The following THSD4 variants were observed in gnomAD, a reference collection of about 807,000 sequenced individuals.
The protein encoded by THSD4 is thrombospondin type 1 domain containing 4, also known as thrombospondin type-1 domain-containing protein 4.
A neutral mutation model predicts 119.0 loss-of-function variants in THSD4; 69 were observed. The ratio of observed to expected loss-of-function variants is 0.58; its 90% CI spans 0.48 to 0.71. The LOEUF (loss-of-function observed/expected upper bound fraction) is 0.71. THSD4 is among the 30% of genes least tolerant of loss of function. The probability of loss-of-function intolerance (pLI) is 0.00; values close to 1 mark genes in which losing one functional copy is unlikely to be tolerated. For missense variants in THSD4, 1,393 were observed against 1,391.1 expected (o/e 1.00, Z -0.02); for synonymous variants, 524 against 540.4 (o/e 0.97, Z 0.42).
chr15:71,327,154 G>A (rs745834253), intron 6 of THSD4, among the ~76,000 whole-genome samples: 10 of 152,016 alleles, frequency 6.6e-5, no homozygotes, highest in Non-Finnish European at 1.0e-4. Flanking sequence ...GTGGCTGAGC[G>A]AGACTCCATC....
At chr15:71,320,211 A>T (rs1157222359) in intron 6 of THSD4, among the ~76,000 whole-genome samples, 1 of 152,304 alleles carries the variant, frequency 6.6e-6, no homozygotes, top group South Asian at 2.1e-4. Flanking sequence ...GTCACTCATG[A>T]TAACCATTTC....
intron 7 of THSD4, among the ~76,000 whole-genome samples, chr15:71,415,819 C>G (rs537254420): frequency 5.3e-5 from 8 of 151,954 alleles, no homozygotes; most frequent in African/African-American, 1.9e-4. Flanking sequence ...TTTTTTAAGA[C>G]GGAGTCTTAC....
chr15:71,127,374 A>G (rs1438246155), intron 1 of THSD4, among the ~76,000 whole-genome samples: 1 of 152,232 alleles, frequency 6.6e-6, no homozygotes, highest in African/African-American at 2.4e-5. Flanking sequence ...TGCATTGAAC[A>G]TGGGAGTGCA....
At chr15:71,442,568 C>CTAAAAAAAA (rs2047113121) in intron 7 of THSD4, among the ~76,000 whole-genome samples, 1 of 33,458 alleles carries the variant, frequency 3.0e-5, no homozygotes, top group South Asian at 1.3e-3. Flanking sequence ...AACTCCATCT[C>CTAAAAAAAA]AAAAAAAAAA....
chr15:71,526,978 A>G (rs2048530395), intron 7 of THSD4, among the ~76,000 whole-genome samples: 1 of 152,152 alleles, frequency 6.6e-6, no homozygotes, highest in Non-Finnish European at 1.5e-5. Context: ...ATCTTCCCCA[A>G]AATTCATGTT....
intron 1 of THSD4, among the ~76,000 whole-genome samples, chr15:71,132,655 G>C (rs2040514208): frequency 6.6e-6 from 1 of 152,098 alleles, no homozygotes; most frequent in Non-Finnish European, 1.5e-5. Context: ...AAATTTTATA[G>C]ACAGATTTAT....
At chr15:71,411,394 G>A (rs2046685053) in intron 6 of THSD4, among the ~76,000 whole-genome samples, 1 of 152,162 alleles carries the variant, frequency 6.6e-6, no homozygotes, top group Admixed American at 6.5e-5. Flanking sequence ...AAGTAGATTG[G>A]TGGTTGCCAA....
intron 6 of THSD4, among the ~76,000 whole-genome samples, chr15:71,357,051 A>G (rs1272167172): frequency 6.6e-6 from 1 of 152,166 alleles, no homozygotes; most frequent in Non-Finnish European, 1.5e-5. Context: ...TCCCAGCATT[A>G]GTAGGTACAC....
At chr15:71,323,506 C>A (rs879580837) in intron 6 of THSD4, among the ~76,000 whole-genome samples, 14 of 152,186 alleles carry the variant, frequency 9.2e-5, no homozygotes, top group Non-Finnish European at 1.3e-4. Context: ...CTCTCAGGTT[C>A]CCTGAAAACT....
At chr15:71,522,685 C>T (rs58880922) in intron 7 of THSD4, among the ~76,000 whole-genome samples, 1 of 152,100 alleles carries the variant, frequency 6.6e-6, no homozygotes, top group African/African-American at 2.4e-5. Context: ...GCAAGGAGAG[C>T]AAGCCAACCC....
At chr15:71,772,623 C>G (rs1237745253) in intron 17 of THSD4, among the ~76,000 whole-genome samples, 1 of 152,068 alleles carries the variant, frequency 6.6e-6, no homozygotes, top group East Asian at 1.9e-4. Flanking sequence ...TAGGTTGGTG[C>G]AAAAGTAATT....
intron 8 of THSD4, among the ~76,000 whole-genome samples, chr15:71,670,799 T>C (rs986676786): frequency 1.3e-5 from 2 of 151,862 alleles, no homozygotes; most frequent in African/African-American, 4.8e-5. Flanking sequence ...TCCAGCTTCA[T>C]CCATGTCCCT....
chr15:71,642,778 C>T (rs2050887754), intron 7 of THSD4, among the ~76,000 whole-genome samples: 1 of 148,354 alleles, frequency 6.7e-6, no homozygotes, highest in Non-Finnish European at 1.5e-5. Flanking sequence ...GGAAGGGGAA[C>T]ATCACACTCT....
intron 6 of THSD4, among the ~76,000 whole-genome samples, chr15:71,265,075 G>T (rs990519788): frequency 6.6e-6 from 1 of 151,972 alleles, no homozygotes; most frequent in South Asian, 2.1e-4. Flanking sequence ...GACCCAGGCC[G>T]ATAGAAGCTG....
intron 8 of THSD4, among the ~76,000 whole-genome samples, chr15:71,704,970 A>G (rs996296999): frequency 6.6e-6 from 1 of 152,250 alleles, no homozygotes; most frequent in Admixed American, 6.5e-5. Flanking sequence ...GGGCCTTCAA[A>G]TCAGAGAGAA....
At chr15:71,757,483 TGCAGTCGTGCAGTCATAGCTCAGTGTAGC>T (rs2053559679) in intron 14 of THSD4, among the ~76,000 whole-genome samples, 1 of 2,930 alleles carries the variant, frequency 3.4e-4, no homozygotes, top group Non-Finnish European at 7.7e-4. Flanking sequence ...CAGGCTGGAG[TGCAGTCGTGCAGTCATAGCTCAGTGTAGC>T]CTCAACCTCC....
chr15:71,568,126 C>T lies in THSD4; in HGVS notation c.1153-92404C>T, dbSNP rs144839752. Among the ~76,000 whole-genome samples the T allele has an allele frequency of 3.1e-3, 467 of 152,218 alleles. 2 individuals are homozygous for T. The highest frequency in any genetic ancestry group is 0.011 in the African/African-American group (452 of 41,526). On this transcript the variant is annotated intron_variant, in intron 7 of 17. Transcript: ENST00000261862. ...ATACAAACTTGGGACTAGTCACAAG[C>T]ATCTGCCACACTGCTAGCTCTTCTC...
chr15:71,323,096 T>TAA (rs34395762), intron 6 of THSD4, among the ~76,000 whole-genome samples: 1,314 of 98,458 alleles, frequency 0.013, 27 homozygotes, highest in African/African-American at 0.027. Flanking sequence ...GACCCTGTCT[T>TAA]AAAAAAAAAA....
chr15:71,599,002 CT>C (rs2049958319), intron 7 of THSD4, among the ~76,000 whole-genome samples: 1 of 152,126 alleles, frequency 6.6e-6, no homozygotes, highest in Non-Finnish European at 1.5e-5. Flanking sequence ...TTTATGACAA[CT>C]TTTTCAACTA....
Sources: gnomAD v4.1 joint callset for allele counts (sites outside exome capture counted in the v4.1 genomes callset) on GRCh38, gnomAD v4.1.1 for gene constraint, MANE v1.5 for transcripts, NCBI Gene and HGNC (gene_info 2026-07-23, HGNC 2026-07-21) for gene names.